The following AIRIM variants were observed in gnomAD, a reference collection of about 807,000 sequenced individuals.
The protein encoded by AIRIM is AFG2-interacting ribosome maturation factor.
the AIRIM span, chr1:37,682,087 A>G: frequency 6.6e-6 from 1 of 152,232 alleles, no homozygotes; most frequent in Non-Finnish European, 1.5e-5. Context: ...GACACTGAAA[A>G]GGTATCTATC....
the AIRIM span, chr1:37,689,727 C>A: frequency 1.2e-5 from 20 of 1,613,782 alleles, no homozygotes; most frequent in African/African-American, 2.7e-5. Flanking sequence ...AGGTTCTGTG[C>A]GGCCTGCAGC....
chr1:37,690,791 G>A, the AIRIM span, among the ~76,000 whole-genome samples: 1 of 152,170 alleles, frequency 6.6e-6, no homozygotes, highest in East Asian at 1.9e-4. Context: ...CTTATCTTGC[G>A]CCTCCGGTTG....
At chr1:37,685,778 C>T in the AIRIM span, among the ~76,000 whole-genome samples, 1 of 152,178 alleles carries the variant, frequency 6.6e-6, no homozygotes, top group Non-Finnish European at 1.5e-5. Flanking sequence ...CCTCATGCTC[C>T]AGTCTAGCCT....
the AIRIM span, chr1:37,683,475 G>A: frequency 6.3e-7 from 1 of 1,586,888 alleles, no homozygotes; most frequent in Non-Finnish European, 8.6e-7. Context: ...AGAAAATGCA[G>A]TATGCTGAAG....
chr1:37,686,095 T>G, the AIRIM span, among the ~76,000 whole-genome samples: 1 of 152,256 alleles, frequency 6.6e-6, no homozygotes, highest in Non-Finnish European at 1.5e-5. Flanking sequence ...GCCTGACAGG[T>G]AGTAGCTACT....
chr1:37,683,121 C>A, the AIRIM span: 9 of 1,612,680 alleles, frequency 5.6e-6, no homozygotes, highest in Admixed American at 1.3e-4. Context: ...CGCATAGCTT[C>A]CTTACTCTTC....
chr1:37,691,493 C>G, the AIRIM span: 3 of 153,146 alleles, frequency 2.0e-5, no homozygotes, highest in East Asian at 5.8e-4. Flanking sequence ...CGTCCAGTCG[C>G]CGCCCGCCTT....
the AIRIM span, chr1:37,681,630 T>C: frequency 1.3e-5 from 2 of 152,158 alleles, no homozygotes; most frequent in African/African-American, 4.8e-5. Flanking sequence ...CCTGGAAAAA[T>C]AAATACACAT....
chr1:37,684,437 G>A, the AIRIM span, among the ~76,000 whole-genome samples: 1 of 152,122 alleles, frequency 6.6e-6, no homozygotes, highest in Non-Finnish European at 1.5e-5. Context: ...TAGCCAACAT[G>A]GTGAAACCGC....
the AIRIM span, chr1:37,689,934 G>C: frequency 1.3e-6 from 2 of 1,496,028 alleles, no homozygotes; most frequent in South Asian, 2.7e-5. Flanking sequence ...TGCCAAGTCA[G>C]TCGGGGAGGC....
chr1:37,687,933 G>C, the AIRIM span, among the ~76,000 whole-genome samples: 1 of 151,972 alleles, frequency 6.6e-6, no homozygotes, highest in Non-Finnish European at 1.5e-5. Flanking sequence ...ATGTTGCCCA[G>C]GCTGGTCTCA....
chr1:37,685,925 A>G, the AIRIM span, among the ~76,000 whole-genome samples: 3 of 152,142 alleles, frequency 2.0e-5, no homozygotes, highest in African/African-American at 7.2e-5. Flanking sequence ...CTCTGCTCAA[A>G]TATCACTTTC....
the AIRIM span, chr1:37,681,870 G>GT: frequency 1.3e-5 from 2 of 152,074 alleles, no homozygotes; most frequent in Admixed American, 1.3e-4. Context: ...ATTACATTAG[G>GT]TTTTTTAAAA....
At chr1:37,682,510 G>A in the AIRIM span, 2 of 152,568 alleles carry the variant, frequency 1.3e-5, no homozygotes, top group Non-Finnish European at 2.9e-5. Context: ...ACAGCAATAG[G>A]GGAACACTTC....
At chr1:37,687,059 A>AGTGTGT in the AIRIM span, among the ~76,000 whole-genome samples, 42 of 141,396 alleles carry the variant, frequency 3.0e-4, no homozygotes, top group Non-Finnish European at 4.3e-4. Flanking sequence ...CCGTCTCAAA[A>AGTGTGT]GTGTGTGTGT....
the AIRIM span, chr1:37,683,690 G>C: frequency 2.6e-6 from 1 of 377,916 alleles, no homozygotes; most frequent in African/African-American, 2.1e-5. Context: ...GACAAAATCA[G>C]ATCCTGAAAA....
At chr1:37,690,238 G>C in the AIRIM span, 1 of 1,276,708 alleles carries the variant, frequency 7.8e-7, no homozygotes, top group African/African-American at 1.5e-5. Flanking sequence ...GCCCGCCTCG[G>C]TCTTCCAAAG....
chr1:37,689,919 T>C, the AIRIM span: 1 of 1,506,370 alleles, frequency 6.6e-7, no homozygotes, highest in Non-Finnish European at 8.8e-7. Context: ...ATAACCACGT[T>C]GGGGTGCCAA....
At chr1:37,683,061 C>A in the AIRIM span, 2 of 1,529,804 alleles carry the variant, frequency 1.3e-6, no homozygotes, top group South Asian at 1.1e-5. Context: ...TTAGAAACAT[C>A]AGGGTTCAGA....
Sources: allele counts gnomAD v4.1 joint callset (sites outside exome capture counted in the v4.1 genomes callset), GRCh38; gene constraint gnomAD v4.1.1; transcripts MANE v1.5; gene names NCBI Gene and HGNC (gene_info 2026-07-23, HGNC 2026-07-21).